Variants in DEAF1 observed in about 807,000 individuals in gnomAD.
DEAF1 encodes the protein deformed epidermal autoregulatory factor 1 homolog.
A neutral mutation model predicts 58.9 loss-of-function variants in DEAF1; 53 were observed. That is an observed-to-expected ratio of 0.90 (90% CI 0.72 to 1.13). The LOEUF (loss-of-function observed/expected upper bound fraction) is 1.13. Among genes scored for constraint, DEAF1 ranks in the 50% most tolerant of loss-of-function variants. The probability of loss-of-function intolerance (pLI) is 0.00; values close to 1 mark genes in which losing one functional copy is unlikely to be tolerated. For missense variants in DEAF1, 685 were observed against 791.4 expected (o/e 0.87, Z 1.61); for synonymous variants, 385 against 340.4 (o/e 1.13, Z -1.44).
At chr11:699,579 C>T (rs184299644), upstream of DEAF1, 8 of 153,492 alleles carry the variant, frequency 5.2e-5, no homozygotes, top group South Asian at 4.1e-4. Context: ...AAACCCTGTC[C>T]CTACTAAAAA....
At chr11:663,727 T>C (rs1859412549) in intron 10 of DEAF1, among the ~76,000 whole-genome samples, 1 of 151,150 alleles carries the variant, frequency 6.6e-6, no homozygotes, top group Non-Finnish European at 1.5e-5. Flanking sequence ...CCTTCCTCCA[T>C]CTCCTCAGCG....
chr11:688,461 C>A lies in DEAF1; in HGVS notation c.388-1G>T. On this transcript the variant is annotated splice_acceptor_variant, in intron 2 of 11. Transcript: ENST00000382409. LOFTEE classifies it high-confidence loss of function. This position sits in a 1 kb window ranked among gnomAD's most constrained non-coding sequence, Gnocchi z 4.3. ...CGATCTGAAGGGCCGTCCTACCAGA[C>A]TAGAAGGAAAAACCGCTCCGTCAGG... is the stretch of plus-strand genomic sequence containing the variant. The A allele has an allele frequency of 6.2e-7, 1 of 1,613,712 alleles. No individual in the cohort carries two copies.
upstream of DEAF1, among the ~76,000 whole-genome samples, chr11:697,146 T>C (rs1163636305): frequency 6.7e-6 from 1 of 149,246 alleles, no homozygotes. Context: ...CCCAGCTACG[T>C]GGGAGGCTGA....
At chr11:674,302 T>C (rs113390164) in intron 10 of DEAF1, 24 of 569,726 alleles carry the variant, frequency 4.2e-5, no homozygotes, top group African/African-American at 3.0e-4. Context: ...TTGTTTCCCT[T>C]TCTGAAACAA....
Position 654,055 on chromosome 11 carries a change from C to G in DEAF1, c.1504-4G>C. The stretch of plus-strand genomic sequence containing the variant: ...GGCCGCAGTTAACGCAGGACTGCTG[C>G]AAGAAGGACACAACAGGCCAGTCAG... On this transcript the variant is annotated splice_polypyrimidine_tract_variant and splice_region_variant and intron_variant, in intron 10 of 11. Coordinates refer to ENST00000382409, the MANE Select transcript of DEAF1 (RefSeq NM_021008.4). 1 of 1,612,330 alleles carries G rather than the reference C, an allele frequency of 6.2e-7. No individual in the cohort carries two copies. The highest frequency in any genetic ancestry group is 8.5e-7 in the Non-Finnish European group (1 of 1,179,664).
At chr11:685,061 C>A (rs1860530803) in intron 5 of DEAF1, 98 bp from the exon 6 acceptor site, 3 of 853,170 alleles carry the variant, frequency 3.5e-6, no homozygotes, top group Non-Finnish European at 5.7e-6. Context: ...CACTTACCTA[C>A]CATTCATAAA....
At chr11:687,111 A>T in intron 4 of DEAF1, 114 bp from the exon 5 acceptor site, 1 of 1,490,660 alleles carries the variant, frequency 6.7e-7, no homozygotes, top group South Asian at 1.2e-5. Flanking sequence ...CCAGCGGCTC[A>T]TGTGATCTCA....
intron 11 of DEAF1, chr11:651,278 T>C: frequency 4.7e-6 from 1 of 211,090 alleles, no homozygotes; most frequent in Non-Finnish European, 9.9e-6. Context: ...TAAATTTTAA[T>C]ATAAAAACTT....
intron 1 of DEAF1, chr11:700,907 T>G: frequency 1.6e-6 from 1 of 617,698 alleles, no homozygotes; most frequent in South Asian, 1.9e-5. Flanking sequence ...CAAATAACAC[T>G]GGGGGCATCG....
At chr11:668,125 ATATG>A (rs1215071935) in intron 10 of DEAF1, among the ~76,000 whole-genome samples, 1 of 152,182 alleles carries the variant, frequency 6.6e-6, no homozygotes, top group Non-Finnish European at 1.5e-5. Flanking sequence ...AAAAATATAT[ATATG>A]TAAGTGACAA....
At chr11:699,576 G>A, upstream of DEAF1, 8 of 153,884 alleles carry the variant, frequency 5.2e-5, no homozygotes, top group South Asian at 4.0e-4. Context: ...GTGAAACCCT[G>A]TCCCTACTAA....
At chr11:681,304 G>T (rs933262757) in intron 6 of DEAF1, among the ~76,000 whole-genome samples, 1 of 152,144 alleles carries the variant, frequency 6.6e-6, no homozygotes, top group African/African-American at 2.4e-5. Context: ...GCGCCATCTT[G>T]GCTTACTGCA....
At chr11:679,918 G>A (rs1019107137) in intron 7 of DEAF1, 102 bp from the exon 8 acceptor site, 1 of 1,513,898 alleles carries the variant, frequency 6.6e-7, no homozygotes, top group Admixed American at 1.8e-5. Context: ...GGCCTGGGCT[G>A]AAGGGCGGGC....
At chr11:685,044 C>G in intron 5 of DEAF1, 81 bp from the exon 6 acceptor site, 1 of 944,104 alleles carries the variant, frequency 1.1e-6, no homozygotes, top group Non-Finnish European at 1.7e-6. Flanking sequence ...ATTTCAACCA[C>G]TTTTACCACT....
At chr11:648,442 G>T (rs77397865) in intron 11 of DEAF1, among the ~76,000 whole-genome samples, 1 of 152,064 alleles carries the variant, frequency 6.6e-6, no homozygotes, top group Non-Finnish European at 1.5e-5. Flanking sequence ...TGATCCGCCC[G>T]CCTCGGCCTC....
intron 10 of DEAF1, among the ~76,000 whole-genome samples, chr11:658,422 CTG>C (rs1859164773): frequency 6.6e-6 from 1 of 152,184 alleles, no homozygotes; most frequent in Non-Finnish European, 1.5e-5. Context: ...GAGCTAGACT[CTG>C]TCTCAAAAAC....
At chr11:704,165 C>T (rs1018858134) in intron 1 of DEAF1, 15 of 1,094,318 alleles carry the variant, frequency 1.4e-5, no homozygotes, top group Non-Finnish European at 1.6e-5. Flanking sequence ...CACCCCATCT[C>T]CAGTTCTCCT....
intron 11 of DEAF1, among the ~76,000 whole-genome samples, chr11:647,859 G>C (rs951423247): frequency 7.1e-6 from 1 of 141,808 alleles, no homozygotes; most frequent in Non-Finnish European, 1.5e-5. Flanking sequence ...GAGCAGGTGG[G>C]TGGACTTGAC....
In DEAF1 at chr11:655,819, C is replaced by T. The variant is rs1437111135; in HGVS notation, c.1504-1768G>A. Among the ~76,000 whole-genome samples, 11 of 141,638 alleles carry T rather than the reference C, an allele frequency of 7.8e-5. No individual in the cohort carries two copies. In the Admixed American group the frequency reaches 7.8e-4, roughly 10 times the overall value. 92.9% of individuals were successfully genotyped at this position (141,638 alleles called of 152,430 possible). A position where few individuals can be genotyped will look rare whatever the true frequency, so the allele number is the denominator to read the frequency against. ...TAATTTAGGTTGCCCCCTGCCTCTA[C>T]TTTATTTATTTATTATTATTATTAT... On this transcript the variant is annotated intron_variant, in intron 10 of 11. Coordinates refer to ENST00000382409, the MANE Select transcript of DEAF1 (RefSeq NM_021008.4).
Sources: allele counts gnomAD v4.1 joint callset (sites outside exome capture counted in the v4.1 genomes callset), GRCh38; gene constraint gnomAD v4.1.1; non-coding constraint Gnocchi (gnomAD v3.1); transcripts MANE v1.5; gene names NCBI Gene and HGNC (gene_info 2026-07-23, HGNC 2026-07-21).